SIRPA: variants seen among roughly 807,000 people sequenced by gnomAD.
SIRPA encodes the protein tyrosine-protein phosphatase non-receptor type substrate 1.
Under a neutral mutation model 50.3 loss-of-function variants are expected in SIRPA, and 9 were observed. That is an observed-to-expected ratio of 0.18 (90% CI 0.11 to 0.31). The LOEUF (loss-of-function observed/expected upper bound fraction) is 0.31. Among genes scored for constraint, SIRPA ranks in the 10% least tolerant of loss-of-function variants. The pLI is 1.00. For synonymous variants in SIRPA, 265 were observed against 284.1 expected (o/e 0.93, Z 0.68); for missense variants, 474 against 661.6 (o/e 0.72, Z 3.11).
At chr20:1,900,903 C>T (rs1201743599) in intron 1 of SIRPA, among the ~76,000 whole-genome samples, 1 of 152,222 alleles carries the variant, frequency 6.6e-6, no homozygotes, top group African/African-American at 2.4e-5. Context: ...ACGTCGTTAT[C>T]TTCGGACCCG....
chr20:1,895,301 C>A, upstream of SIRPA: 2 of 481,198 alleles, frequency 4.2e-6, no homozygotes, highest in Non-Finnish European at 6.9e-6. Flanking sequence ...CGGCGGCGGC[C>A]GCTCCAGGCG....
At chr20:1,915,820 G>A (rs986954031) in intron 2 of SIRPA, among the ~76,000 whole-genome samples, 1 of 152,204 alleles carries the variant, frequency 6.6e-6, no homozygotes, top group Non-Finnish European at 1.5e-5. Context: ...CCCTCTCAGG[G>A]CAGCCGAGTC....
rs757229092 is a variant in SIRPA at position 1,898,822 on chromosome 20, A to G, written c.79+3296A>G. Among the ~76,000 whole-genome samples, 1 of 152,024 alleles carries G rather than the reference A, an allele frequency of 6.6e-6. No individual in the cohort carries two copies. Among genetic ancestry groups the G allele is most frequent in the African/African-American group, 2.4e-5 (1 of 41,396 alleles). ...AAGCCTGCTGAGGGTGGAAATACTG[A>G]CAGCCCCTTGGTCCTCACCAGTAAC... On this transcript the variant is annotated intron_variant, in intron 1 of 7. Coordinates refer to ENST00000358771, the MANE Select transcript of SIRPA (RefSeq NM_001040023.2). This position sits in a 1 kb window ranked among gnomAD's most constrained non-coding sequence, Gnocchi z 4.3.
rs1322463841 is a variant in SIRPA at position 1,921,631 on chromosome 20, C to G, written c.673C>G (p.Gln225Glu). 2 of 1,614,096 alleles carry G rather than the reference C, an allele frequency of 1.2e-6. No homozygotes were observed. Among genetic ancestry groups the G allele is most frequent in the Non-Finnish European group, 1.7e-6 (2 of 1,180,040 alleles). ...VVLTREDVHS[Q>E]VICEVAHVTL... ...GCTGACCCGCGAGGACGTTCACTCT[C>G]AAGTCATCTGCGAGGTGGCCCACGT... Residue 225 changes from glutamine (Q) to glutamate (E), a missense_variant, in exon 3 of 8, where the codon CAA (glutamine) becomes GAA (glutamate). Around this residue, in one of 4 missense-constraint regions of SIRPA, gnomAD observed 221 missense variants for 359.9 expected, o/e 0.61. Coordinates refer to ENST00000358771, the MANE Select transcript of SIRPA (RefSeq NM_001040023.2).
chr20:1,895,843 T>A (rs140834951), intron 1 of SIRPA, among the ~76,000 whole-genome samples: 256 of 152,340 alleles, frequency 1.7e-3, no homozygotes, highest in African/African-American at 5.9e-3. Flanking sequence ...TGGGGAAGGC[T>A]GACTGACAGT....
At chr20:1,902,826 A>G (rs1445831180) in intron 1 of SIRPA, among the ~76,000 whole-genome samples, 1 of 152,170 alleles carries the variant, frequency 6.6e-6, no homozygotes, top group Non-Finnish European at 1.5e-5. Flanking sequence ...AGCCTGGCCA[A>G]CATGGCGAAA....
At chr20:1,918,366 T>G (rs1985435133) in intron 2 of SIRPA, among the ~76,000 whole-genome samples, 1 of 146,380 alleles carries the variant, frequency 6.8e-6, no homozygotes, top group Admixed American at 6.7e-5. Context: ...CCAGCTTTTT[T>G]TTTTTTTTTT....
At chr20:1,913,657 C>G (rs1240785650) in intron 1 of SIRPA, among the ~76,000 whole-genome samples, 4 of 152,226 alleles carry the variant, frequency 2.6e-5, no homozygotes, top group African/African-American at 9.6e-5. Flanking sequence ...CTCCTTCTCC[C>G]CTATTCTAGC....
intron 1 of SIRPA, among the ~76,000 whole-genome samples, chr20:1,913,708 C>G (rs1327598920): frequency 1.3e-5 from 2 of 152,234 alleles, no homozygotes; most frequent in African/African-American, 4.8e-5. Context: ...GCATGTGTTT[C>G]TCTGAGGTCT....
At chr20:1,895,264 A>AGG, upstream of SIRPA, 1 of 366,954 alleles carries the variant, frequency 2.7e-6, no homozygotes, top group South Asian at 5.1e-5. Flanking sequence ...GGGGGCGGGG[A>AGG]GGGGGGGTCT....
rs1232487890 is a variant in SIRPA, at chr20:1,922,472, A to G, written c.914A>G (p.Asn305Ser). ...GAAACGGCCTCAACCGTTACAGAGA[A>G]CAAGGATGGTACCTACAACTGGATG... ...RTETASTVTE[N>S]KDGTYNWMSW... is the part of the protein sequence containing the mutation. The change falls in exon 4 of 8, where the codon AAC becomes AGC. Residue 305 changes from asparagine (N) to serine (S), a missense_variant. Asn to Ser is a conservative substitution (Grantham distance 46, BLOSUM62 1). Coordinates refer to ENST00000358771, the MANE Select transcript of SIRPA (RefSeq NM_001040023.2). The G allele has an allele frequency of 1.9e-6, 3 of 1,614,246 alleles. No homozygotes were observed. Among genetic ancestry groups the G allele is most frequent in the Non-Finnish European group, 2.5e-6 (3 of 1,180,054 alleles).
chr20:1,933,420 T>C lies in SIRPA; in HGVS notation c.1227-1295T>C. 6.9e-6 allele frequency among the ~76,000 whole-genome samples: 1 copy of C among 144,956 alleles called. No individual in the cohort carries two copies. The highest frequency in any genetic ancestry group is 2.6e-5 in the African/African-American group (1 of 39,180). On this transcript the variant is annotated intron_variant, in intron 6 of 7. Transcript: ENST00000358771. This position sits in a 1 kb window ranked among gnomAD's most constrained non-coding sequence, Gnocchi z 4.4. The stretch of plus-strand genomic sequence containing the variant: ...AATGCCACCCCCCCCCCGAAATATC[T>C]GGTGGGCAGATGAGTGGGTACATGA...
In SIRPA at chr20:1,937,936, A is replaced by G. The variant is rs1986686781; in HGVS notation, c.*368A>G. The G allele has an allele frequency of 4.4e-6, 1 of 224,806 alleles. No individual in the cohort carries two copies. The highest frequency in any genetic ancestry group is 5.1e-5 in the Admixed American group (1 of 19,428). The allele number at this position is 224,806 out of a possible 1,614,324, so 13.9% of individuals were successfully genotyped here. On this transcript the variant is annotated 3_prime_UTR_variant, in exon 8 of 8. Coordinates refer to ENST00000358771, the MANE Select transcript of SIRPA (RefSeq NM_001040023.2). The surrounding 1 kb of genome is among the most constrained non-coding windows in gnomAD (Gnocchi z 8.3). ...CCGATGCTCCGAAGCCTGATCTTCC[A>G]GGGTGGGGAGGAGAAAATCCCACCT...
In SIRPA at chr20:1,937,658, C is replaced by A. The variant is rs368779467; in HGVS notation, c.*90C>A. On this transcript the variant is annotated 3_prime_UTR_variant, in exon 8 of 8. Coordinates refer to ENST00000358771, the MANE Select transcript of SIRPA (RefSeq NM_001040023.2). The surrounding 1 kb of genome is among the most constrained non-coding windows in gnomAD (Gnocchi z 8.3). ...TGATGAGCACAGCCAACCCAGTTCC[C>A]GGAGGGCTGGGGCGGTGCAGGCTCT... 9 of 1,533,186 alleles carry A rather than the reference C, an allele frequency of 5.9e-6. No homozygotes were observed. In the Admixed American group the frequency reaches 7.2e-5, roughly 12 times the overall value. The allele number at this position is 1,533,186 out of a possible 1,614,324, so 95.0% of individuals were successfully genotyped here. A position where few individuals can be genotyped will look rare whatever the true frequency, so the allele number is the denominator to read the frequency against.
At chr20:1,912,020 C>A (rs543513305) in intron 1 of SIRPA, among the ~76,000 whole-genome samples, 1 of 151,862 alleles carries the variant, frequency 6.6e-6, no homozygotes, top group Non-Finnish European at 1.5e-5. Flanking sequence ...TTGGCACTTA[C>A]GTCGCACTTT....
At chr20:1,913,914 T>G (rs1985058687) in intron 1 of SIRPA, among the ~76,000 whole-genome samples, 1 of 152,034 alleles carries the variant, frequency 6.6e-6, no homozygotes, top group African/African-American at 2.4e-5. Context: ...AGGGTCCCTG[T>G]CTTGTGTGCC....
intron 1 of SIRPA, among the ~76,000 whole-genome samples, chr20:1,906,536 A>C (rs568450900): frequency 6.6e-6 from 1 of 152,314 alleles, no homozygotes; most frequent in African/African-American, 2.4e-5. Flanking sequence ...TGAGAGTGCC[A>C]GGCAGAGGCA....
Position 1,933,143 on chromosome 20 carries a change from GT to G in SIRPA, c.1227-1567del, listed in dbSNP as rs1986383241. Among the ~76,000 whole-genome samples, 2 of 152,208 alleles carry G rather than the reference GT, an allele frequency of 1.3e-5. No homozygotes were observed. Among genetic ancestry groups the G allele is most frequent in the South Asian group, 4.1e-4 (2 of 4,834 alleles). On this transcript the variant is annotated intron_variant, in intron 6 of 7. Transcript: ENST00000358771. The surrounding 1 kb of genome is among the most constrained non-coding windows in gnomAD (Gnocchi z 4.4). ...TGACTGGCATTCATTCCAAGTCACT[GT>G]TTTTGAGCACATGTGGTGAGGAAGC...
chr20:1,915,376 C>T lies in SIRPA; in HGVS notation c.357C>T (p.Tyr119=). 1 of 1,609,322 alleles carries T rather than the reference C, an allele frequency of 6.2e-7. No homozygotes were observed. Among genetic ancestry groups the T allele is most frequent in the Non-Finnish European group, 8.5e-7 (1 of 1,178,450 alleles). The stretch of plus-strand genomic sequence containing the variant: ...TCACCCCAGCAGATGCCGGCACCTA[C>T]TACTGTGTGAAGTTCCGGAAAGGGA... ...GNITPADAGT[Y]YCVKFRKGSP... The change falls in exon 2 of 8, where the codon TAC becomes TAT. Residue 119 remains tyrosine (Y), a synonymous_variant. Transcript: ENST00000358771.
Sources: allele counts gnomAD v4.1 joint callset (sites outside exome capture counted in the v4.1 genomes callset), GRCh38; gene constraint gnomAD v4.1.1; regional missense constraint gnomAD v4.1.1; non-coding constraint Gnocchi (gnomAD v3.1); transcripts MANE v1.5; gene names NCBI Gene and HGNC (gene_info 2026-07-23, HGNC 2026-07-21).